RIMS1: variants seen among roughly 807,000 people sequenced by gnomAD.
RIMS1 encodes the protein regulating synaptic membrane exocytosis 1.
In RIMS1, 83 loss-of-function variants were observed where a neutral mutation model predicts 214.1. That is an observed-to-expected ratio of 0.39 (90% confidence interval 0.32 to 0.47). RIMS1 has a LOEUF of 0.47. Ranked by LOEUF, RIMS1 falls within the 20% of genes least tolerant of loss-of-function variation. The pLI is 0.99. For missense variants in RIMS1, 2,050 were observed against 2,161.8 expected (o/e 0.95, Z 1.03); for synonymous variants, 793 against 786.8 (o/e 1.01, Z -0.13).
chr6:72,270,440 G>T (rs1212932090), intron 22 of RIMS1, among the ~76,000 whole-genome samples: 9 of 152,126 alleles, frequency 5.9e-5, no homozygotes, highest in Admixed American at 5.9e-4. Context: ...GTGACAACAT[G>T]ATGTATTTTT....
At chr6:72,295,757 T>C (rs1480144789) in intron 26 of RIMS1, among the ~76,000 whole-genome samples, 1 of 151,824 alleles carries the variant, frequency 6.6e-6, no homozygotes, top group Non-Finnish European at 1.5e-5. Flanking sequence ...CTTTCTTTGA[T>C]TAATTTTAGT....
At chr6:72,021,917 G>A (rs1270708850) in intron 2 of RIMS1, among the ~76,000 whole-genome samples, 3 of 152,130 alleles carry the variant, frequency 2.0e-5, no homozygotes, top group Non-Finnish European at 2.9e-5. Flanking sequence ...ACATTGGCAC[G>A]TATCCCATTG....
At chr6:71,901,713 T>A (rs765548632) in intron 1 of RIMS1, among the ~76,000 whole-genome samples, 2 of 152,148 alleles carry the variant, frequency 1.3e-5, no homozygotes, top group South Asian at 4.1e-4. Context: ...TACATATGTA[T>A]GCATTTGTCA....
At chr6:72,361,575 A>T (rs553460110) in intron 29 of RIMS1, among the ~76,000 whole-genome samples, 2 of 152,356 alleles carry the variant, frequency 1.3e-5, no homozygotes, top group East Asian at 3.9e-4. Flanking sequence ...GCACAAAAGT[A>T]AGTGTGTTTT....
chr6:72,275,737 A>G (rs2154196611), intron 23 of RIMS1, among the ~76,000 whole-genome samples: 1 of 152,352 alleles, frequency 6.6e-6, no homozygotes, highest in South Asian at 2.1e-4. Flanking sequence ...TTCTCAAAAA[A>G]GAATATAAAA....
At chr6:71,976,617 T>A (rs1797208247) in intron 2 of RIMS1, among the ~76,000 whole-genome samples, 1 of 152,090 alleles carries the variant, frequency 6.6e-6, no homozygotes, top group African/African-American at 2.4e-5. Context: ...TGATCTATTT[T>A]TTCTTTGGTT....
intron 6 of RIMS1, among the ~76,000 whole-genome samples, chr6:72,220,310 GAAAT>G (rs1190562282): frequency 6.6e-6 from 1 of 152,030 alleles, no homozygotes; most frequent in Non-Finnish European, 1.5e-5. Context: ...AGGCCTTTGA[GAAAT>G]AAAGGAAGCA....
intron 3 of RIMS1, among the ~76,000 whole-genome samples, chr6:72,097,952 T>G (rs1342271511): frequency 6.6e-6 from 1 of 152,182 alleles, no homozygotes; most frequent in Non-Finnish European, 1.5e-5. Context: ...AATAGTGCAG[T>G]ATAATTATTT....
intron 29 of RIMS1, among the ~76,000 whole-genome samples, chr6:72,348,450 T>C (rs998391595): frequency 6.6e-6 from 1 of 151,966 alleles, no homozygotes; most frequent in Non-Finnish European, 1.5e-5. Context: ...TTCTTTCTCT[T>C]CTTTGCTTAT....
intron 26 of RIMS1, among the ~76,000 whole-genome samples, chr6:72,300,835 T>C (rs527241800): frequency 2.0e-5 from 3 of 151,870 alleles, no homozygotes; most frequent in African/African-American, 7.2e-5. Context: ...CATCCTGAGC[T>C]TCGTTTTAGA....
In RIMS1 at chr6:72,251,288, C is replaced by G. The variant is rs2073184004; in HGVS notation, c.2618C>G (p.Ser873Cys). The change falls in exon 15 of 34, where the codon TCT (serine) becomes TGT (cysteine). Residue 873 changes from serine to cysteine, a missense_variant. Transcript: ENST00000521978. The part of the protein sequence containing the change: ...HWYKLQTHDE[S>C]SLPLPQPSPF... The stretch of plus-strand genomic sequence containing the variant: ...TATAAACTTCAGACACATGATGAGT[C>G]TTCACTACCTCTGCCTCAGCCATCA... 1 of 1,599,028 alleles carries G rather than the reference C, an allele frequency of 6.3e-7. No homozygotes were observed. Among genetic ancestry groups the G allele is most frequent in the African/African-American group, 1.3e-5 (1 of 74,700 alleles).
chr6:72,190,687 G>A (rs6918531), intron 6 of RIMS1, among the ~76,000 whole-genome samples: 1 of 151,864 alleles, frequency 6.6e-6, no homozygotes, highest in Admixed American at 6.6e-5. Context: ...TGGAGATGAT[G>A]GGCATTTGAG....
intron 22 of RIMS1, among the ~76,000 whole-genome samples, chr6:72,271,287 ATATATATATATATAT>A (rs1462569629): frequency 5.2e-4 from 3 of 5,736 alleles, no homozygotes; most frequent in Non-Finnish European, 1.1e-3. Context: ...AAAAAAAAAA[ATATATATATATATAT>A]ATATATATAT....
intron 2 of RIMS1, among the ~76,000 whole-genome samples, chr6:72,063,394 C>T (rs959017365): frequency 2.6e-5 from 4 of 152,146 alleles, no homozygotes; most frequent in South Asian, 2.1e-4. Context: ...ACAGCATCTG[C>T]GACAATACCT....
At chr6:72,010,183 A>C (rs992700537) in intron 2 of RIMS1, among the ~76,000 whole-genome samples, 1 of 152,216 alleles carries the variant, frequency 6.6e-6, no homozygotes, top group Admixed American at 6.5e-5. Flanking sequence ...ACATATGCAA[A>C]TCAATAAACG....
intron 26 of RIMS1, among the ~76,000 whole-genome samples, chr6:72,302,301 A>G (rs1285659668): frequency 6.6e-6 from 1 of 151,580 alleles, no homozygotes; most frequent in Non-Finnish European, 1.5e-5. Flanking sequence ...AGTCTAAAAA[A>G]CTGTGGGCAG....
chr6:72,155,201 T>C (rs2463709), intron 4 of RIMS1, among the ~76,000 whole-genome samples: 83,412 of 138,788 alleles, frequency 0.6, 30,923 homozygotes, highest in East Asian at 0.98. Context: ...GAGACATTTT[T>C]CTCATTGTCT....
intron 4 of RIMS1, among the ~76,000 whole-genome samples, chr6:72,173,373 G>T (rs536724077): frequency 6.6e-6 from 1 of 151,032 alleles, no homozygotes; most frequent in Non-Finnish European, 1.5e-5. Context: ...CTGGGAATTT[G>T]TCTTCTATTA....
chr6:72,164,148 C>T (rs1311285377), intron 4 of RIMS1, among the ~76,000 whole-genome samples: 2 of 152,182 alleles, frequency 1.3e-5, no homozygotes. Context: ...GACTGCTGTG[C>T]TAGCAATGAG....
Sources: allele counts gnomAD v4.1 joint callset (sites outside exome capture counted in the v4.1 genomes callset), GRCh38; gene constraint gnomAD v4.1.1; transcripts MANE v1.5; gene names NCBI Gene and HGNC (gene_info 2026-07-23, HGNC 2026-07-21).